Variants in TIMP3 observed in about 807,000 individuals in gnomAD.
TIMP3 encodes the protein TIMP metallopeptidase inhibitor 3.
In TIMP3, 11 loss-of-function variants were observed where a neutral mutation model predicts 30.0. The ratio of observed to expected loss-of-function variants is 0.37; its 90% CI spans 0.23 to 0.61. The LOEUF (loss-of-function observed/expected upper bound fraction) is 0.61, where lower values mean the gene tolerates loss of function less well. TIMP3 is among the 20% of genes least tolerant of loss of function. TIMP3 has a pLI of 0.70. For synonymous variants in TIMP3, 112 were observed against 111.3 expected (o/e 1.01, Z -0.04); for missense variants, 181 against 276.8 (o/e 0.65, Z 2.45).
chr22:32,839,194 G>A (rs2047822552), intron 1 of TIMP3, among the ~76,000 whole-genome samples: 1 of 152,054 alleles, frequency 6.6e-6, no homozygotes, highest in South Asian at 2.1e-4. Flanking sequence ...CAGCTCTGAA[G>A]AGCCATATAT....
rs11287 is a variant in TIMP3, at chr22:32,862,790, C to T, written c.*3413C>T. ...AGGCTTCTTAGATTCTCCCAGCATC[C>T]GCCTTTCCCTTTAGCCAGTCTGCTG... On this transcript the variant is annotated 3_prime_UTR_variant, in exon 5 of 5. Coordinates refer to ENST00000266085, the MANE Select transcript of TIMP3 (RefSeq NM_000362.5). 2,573 of 152,716 alleles carry T rather than the reference C, an allele frequency of 0.017. 31 individuals carry two copies. The highest frequency in any genetic ancestry group is 0.037 in the Middle Eastern group (11 of 294). 9.5% of individuals were successfully genotyped at this position (152,716 alleles called of 1,614,324 possible). A position where few individuals can be genotyped will look rare whatever the true frequency, so the allele number is the denominator to read the frequency against.
chr22:32,838,645 G>C (rs556479507), intron 1 of TIMP3, among the ~76,000 whole-genome samples: 2 of 151,984 alleles, frequency 1.3e-5, no homozygotes, highest in East Asian at 3.9e-4. Context: ...GAACAATGTC[G>C]GTATTCGGCC....
At chr22:32,839,010 A>T (rs984496011) in intron 1 of TIMP3, among the ~76,000 whole-genome samples, 1 of 151,684 alleles carries the variant, frequency 6.6e-6, no homozygotes, top group Non-Finnish European at 1.5e-5. Flanking sequence ...GGGTGGACAG[A>T]AGGCTTCCTG....
intron 2 of TIMP3, among the ~76,000 whole-genome samples, chr22:32,855,421 C>T (rs4999923): frequency 0.15 from 22,703 of 152,200 alleles, 1,932 homozygotes; most frequent in Non-Finnish European, 0.2. Flanking sequence ...ACTTCTGAGG[C>T]TTTCCTGGGA....
chr22:32,855,976 T>G (rs1007066602), intron 2 of TIMP3, among the ~76,000 whole-genome samples: 2 of 152,222 alleles, frequency 1.3e-5, no homozygotes, highest in East Asian at 3.8e-4. Flanking sequence ...ACGAACCCAA[T>G]GCTTTCACCA....
chr22:32,840,822 G>GT (rs2047877551), intron 1 of TIMP3, among the ~76,000 whole-genome samples: 1 of 152,108 alleles, frequency 6.6e-6, no homozygotes, highest in East Asian at 1.9e-4. Context: ...CTGGCTTTCC[G>GT]TCCTTGCTTA....
chr22:32,837,960 T>A lies in TIMP3; in HGVS notation c.122-11492T>A, dbSNP rs891511941. On this transcript the variant is annotated intron_variant, in intron 1 of 4. Coordinates refer to ENST00000266085, the MANE Select transcript of TIMP3 (RefSeq NM_000362.5). The surrounding 1 kb of genome is among the most constrained non-coding windows in gnomAD (Gnocchi z 4.1). ...CAGAAGGTCCTCTCCTTTCTCTTTCTCTTAACTGTCTCTAGTGATTCTCTG... is the reference window on the plus strand; with the variant it reads ...CAGAAGGTCCTCTCCTTTCTCTTTCACTTAACTGTCTCTAGTGATTCTCTG... Among the ~76,000 whole-genome samples, 1 of 152,156 alleles carries A rather than the reference T, an allele frequency of 6.6e-6. No homozygotes were observed. Among genetic ancestry groups the A allele is most frequent in the East Asian group, 1.9e-4 (1 of 5,180 alleles).
chr22:32,858,161 G>C, intron 4 of TIMP3, 23 bp downstream of exon 4: 2 of 1,611,370 alleles, frequency 1.2e-6, no homozygotes, highest in South Asian at 2.2e-5. Flanking sequence ...GTCACTGGGG[G>C]AAGGAGGGGA....
At chr22:32,832,925 G>GTT (rs981724643) in intron 1 of TIMP3, among the ~76,000 whole-genome samples, 4 of 151,992 alleles carry the variant, frequency 2.6e-5, no homozygotes, top group African/African-American at 9.7e-5. Flanking sequence ...TAGAGACAGG[G>GTT]TTTTACCTTG....
At position 32,807,355 on chromosome 22, in the gene TIMP3, A is replaced by ATTATATAAATATATATT. The variant is rs1200361200; in HGVS notation, c.121+5233_121+5234insTTATATAAATATATATT. Among the ~76,000 whole-genome samples, 21 of 19,904 alleles carry ATTATATAAATATATATT rather than the reference A, an allele frequency of 1.1e-3. No homozygotes were observed. The East Asian group carries it at 0.075, about 71-fold the overall frequency. 13.1% of individuals were successfully genotyped at this position (19,904 alleles called of 152,430 possible). On this transcript the variant is annotated intron_variant, in intron 1 of 4. Transcript: ENST00000266085. ...ATTTATATATAATATATAAATATATAATATATAATATATATTATATATAAT... is the reference window on the plus strand; with the variant it reads ...ATTTATATATAATATATAAATATATATTATATAAATATATATTATATATAATATATATTATATATAAT...
chr22:32,851,963 T>G (rs2048230952), intron 2 of TIMP3, among the ~76,000 whole-genome samples: 1 of 152,114 alleles, frequency 6.6e-6, no homozygotes. Context: ...CTTCCCACCC[T>G]CTCTCTGTGC....
At position 32,824,653 on chromosome 22, in the gene TIMP3, T is replaced by C. The variant is rs143613700; in HGVS notation, c.121+22531T>C. Among the ~76,000 whole-genome samples the C allele has an allele frequency of 3.2e-3, 483 of 152,298 alleles. 7 individuals are homozygous for C. Among genetic ancestry groups the C allele is most frequent in the African/African-American group, 0.011 (468 of 41,552 alleles). ...ATGATATAAATTCTCTGTATACAAA[T>C]AAAAGGAAGTTACTTGTATTCGTTG... On this transcript the variant is annotated intron_variant, in intron 1 of 4. Coordinates refer to ENST00000266085, the MANE Select transcript of TIMP3 (RefSeq NM_000362.5).
intron 1 of TIMP3, among the ~76,000 whole-genome samples, chr22:32,841,599 T>C (rs1289703849): frequency 6.6e-6 from 1 of 151,886 alleles, no homozygotes; most frequent in African/African-American, 2.4e-5. Flanking sequence ...GGCTTGCAGG[T>C]ATAAATGTAG....
chr22:32,818,487 G>A (rs2047147095), intron 1 of TIMP3, among the ~76,000 whole-genome samples: 1 of 152,148 alleles, frequency 6.6e-6, no homozygotes, highest in Non-Finnish European at 1.5e-5. Context: ...TGAGTCCTCT[G>A]GATGAAGTTA....
At chr22:32,822,954 T>G (rs1388876618) in intron 1 of TIMP3, among the ~76,000 whole-genome samples, 1 of 151,424 alleles carries the variant, frequency 6.6e-6, no homozygotes, top group Non-Finnish European at 1.5e-5. Flanking sequence ...GAGAGAGAGA[T>G]GAATGTGCAT....
At chr22:32,822,673 C>T (rs1357201901) in intron 1 of TIMP3, among the ~76,000 whole-genome samples, 1 of 152,140 alleles carries the variant, frequency 6.6e-6, no homozygotes, top group African/African-American at 2.4e-5. Flanking sequence ...TGAAGATCTG[C>T]ACTTCCTCTT....
intron 1 of TIMP3, among the ~76,000 whole-genome samples, chr22:32,827,413 T>C (rs971513458): frequency 2.6e-5 from 4 of 152,218 alleles, no homozygotes; most frequent in African/African-American, 9.6e-5. Context: ...CAGTTCCAAA[T>C]ACCCTGGTGC....
intron 1 of TIMP3, among the ~76,000 whole-genome samples, chr22:32,809,554 C>T (rs1217347891): frequency 6.6e-6 from 1 of 152,070 alleles, no homozygotes; most frequent in Non-Finnish European, 1.5e-5. Flanking sequence ...TTAATTTTTC[C>T]CTCCAATAAG....
At chr22:32,826,182 A>G (rs2047407060) in intron 1 of TIMP3, among the ~76,000 whole-genome samples, 1 of 152,184 alleles carries the variant, frequency 6.6e-6, no homozygotes, top group Non-Finnish European at 1.5e-5. Flanking sequence ...TAATTCCAGC[A>G]CTTTGGGAAG....
Sources: allele counts gnomAD v4.1 joint callset (sites outside exome capture counted in the v4.1 genomes callset), GRCh38; gene constraint gnomAD v4.1.1; non-coding constraint Gnocchi (gnomAD v3.1); transcripts MANE v1.5; gene names NCBI Gene and HGNC (gene_info 2026-07-23, HGNC 2026-07-21).